IFT80: variants seen among roughly 807,000 people sequenced by gnomAD.
IFT80 encodes the protein intraflagellar transport 80.
Under a neutral mutation model 107.9 loss-of-function variants are expected in IFT80, and 79 were observed. That is an observed-to-expected ratio of 0.73 (90% confidence interval 0.61 to 0.88). The LOEUF is 0.88. IFT80 is among the 40% of genes least tolerant of loss of function. IFT80 has a pLI of 0.00. For synonymous variants in IFT80, 299 were observed against 300.9 expected (o/e 0.99, Z 0.07); for missense variants, 797 against 914.2 (o/e 0.87, Z 1.65).
intron 6 of IFT80, among the ~76,000 whole-genome samples, 162 bp from the exon 7 acceptor site, chr3:160,357,740 T>C (rs1359845246): frequency 6.6e-6 from 1 of 152,228 alleles, no homozygotes; most frequent in Non-Finnish European, 1.5e-5. Flanking sequence ...TTTGCTTGTT[T>C]CATTTGTAAT....
At chr3:160,315,762 A>G (rs1717770463) in intron 9 of IFT80, among the ~76,000 whole-genome samples, 3 of 152,300 alleles carry the variant, frequency 2.0e-5, no homozygotes, top group Admixed American at 2.0e-4. Context: ...ATCAAAATAC[A>G]TATTTATGTA....
intron 8 of IFT80, among the ~76,000 whole-genome samples, chr3:160,333,096 T>C (rs1719202013): frequency 6.6e-6 from 1 of 152,170 alleles, no homozygotes; most frequent in African/African-American, 2.4e-5. Flanking sequence ...TAGGAAACTG[T>C]CACACAACGA....
intron 8 of IFT80, among the ~76,000 whole-genome samples, chr3:160,354,086 A>G (rs944073762): frequency 6.6e-6 from 1 of 152,220 alleles, no homozygotes; most frequent in Non-Finnish European, 1.5e-5. Context: ...GGAGTCAAAA[A>G]TAATATACAT....
intron 8 of IFT80, among the ~76,000 whole-genome samples, chr3:160,340,551 A>C (rs898872472): frequency 2.6e-5 from 4 of 152,184 alleles, no homozygotes; most frequent in Non-Finnish European, 5.9e-5. Flanking sequence ...TGTATGACTG[A>C]GGTCCCCATT....
At chr3:160,313,007 AAT>A (rs1717514000) in intron 9 of IFT80, among the ~76,000 whole-genome samples, 1 of 78,434 alleles carries the variant, frequency 1.3e-5, no homozygotes, top group Non-Finnish European at 2.3e-5. Flanking sequence ...TATATAAATT[AAT>A]ATATAATAAA....
chr3:160,284,970 T>G (rs1714978907), intron 13 of IFT80, among the ~76,000 whole-genome samples: 1 of 152,172 alleles, frequency 6.6e-6, no homozygotes, highest in Admixed American at 6.6e-5. Flanking sequence ...ATAATAGGTA[T>G]AGTAGGGAGA....
chr3:160,285,216 A>G (rs1714997789), intron 13 of IFT80, among the ~76,000 whole-genome samples: 4 of 152,114 alleles, frequency 2.6e-5, no homozygotes, highest in Admixed American at 1.3e-4. Context: ...TACAAAAATA[A>G]ATATATAATT....
Position 160,319,942 on chromosome 3 carries a change from G to T in IFT80, c.778-3C>A, listed in dbSNP as rs199519525. ...GGTTTTTCTAATGCATATGACCACT[G>T]GGGGAGAAAAAACAAGAAAAAGATG... On this transcript the variant is annotated splice_polypyrimidine_tract_variant and splice_region_variant and intron_variant, in intron 8 of 19. Coordinates refer to ENST00000326448, the MANE Select transcript of IFT80 (RefSeq NM_020800.3). The T allele has an allele frequency of 1.2e-6, 2 of 1,607,678 alleles. No individual in the cohort carries two copies. Among genetic ancestry groups the T allele is most frequent in the East Asian group, 4.5e-5 (2 of 44,754 alleles).
At chr3:160,307,294 C>T (rs1195445755) in intron 10 of IFT80, among the ~76,000 whole-genome samples, 1 of 152,076 alleles carries the variant, frequency 6.6e-6, no homozygotes, top group Non-Finnish European at 1.5e-5. Context: ...ACCACAGGTG[C>T]GCACCTCCAC....
chr3:160,370,887 C>A (rs1237985729), intron 5 of IFT80, among the ~76,000 whole-genome samples: 3 of 152,178 alleles, frequency 2.0e-5, no homozygotes, highest in East Asian at 3.8e-4. Context: ...AAGCCTTAAT[C>A]GCTGCCTTAC....
chr3:160,288,282 G>A lies in IFT80; in HGVS notation c.1316-2414C>T, dbSNP rs563969413. On this transcript the variant is annotated intron_variant, in intron 12 of 19. Transcript: ENST00000326448. ...CGGGAGGCGGAGCTTGCAGTGAGCCGAGCTCACACCACTGCACTCCAGCCT... is the reference window on the plus strand; with the variant it reads ...CGGGAGGCGGAGCTTGCAGTGAGCCAAGCTCACACCACTGCACTCCAGCCT... 1.3e-4 allele frequency among the ~76,000 whole-genome samples: 20 copies of A among 152,210 alleles called. No individual in the cohort carries two copies. The South Asian group carries it at 3.5e-3, about 27-fold the overall frequency.
intron 6 of IFT80, among the ~76,000 whole-genome samples, chr3:160,360,434 A>G (rs931138597): frequency 2.0e-5 from 3 of 152,228 alleles, no homozygotes; most frequent in African/African-American, 7.2e-5. Flanking sequence ...AACACTCTTC[A>G]GGATATTATC....
intron 8 of IFT80, among the ~76,000 whole-genome samples, chr3:160,333,104 C>T (rs908559462): frequency 1.3e-5 from 2 of 152,026 alleles, no homozygotes; most frequent in African/African-American, 4.8e-5. Flanking sequence ...TGTCACACAA[C>T]GATAGTAGTG....
Position 160,321,569 on chromosome 3 carries a change from G to GT in IFT80, c.778-1631dup, listed in dbSNP as rs568450992. Among the ~76,000 whole-genome samples, 18 of 151,978 alleles carry GT rather than the reference G, an allele frequency of 1.2e-4. No individual in the cohort carries two copies. In the South Asian group the frequency reaches 3.5e-3, roughly 30 times the overall value. On this transcript the variant is annotated intron_variant, in intron 8 of 19. Transcript: ENST00000326448. ...AGGTGCTAAAACCTATGCATCCTAT[G>GT]TTTTTTTCTATATATACATACCTAT...
At chr3:160,358,591 G>A (rs984096937) in intron 6 of IFT80, among the ~76,000 whole-genome samples, 6 of 150,056 alleles carry the variant, frequency 4.0e-5, no homozygotes, top group African/African-American at 1.5e-4. Context: ...TATGAAAATC[G>A]TTAAGTTCTG....
intron 9 of IFT80, among the ~76,000 whole-genome samples, chr3:160,316,786 A>G (rs7627555): frequency 0.39 from 59,496 of 151,604 alleles, 12,678 homozygotes; most frequent in Non-Finnish European, 0.49. Context: ...ATTACTAGGG[A>G]AAAAAAAGCA....
At chr3:160,282,361 TAAG>T (rs1184693118) in intron 14 of IFT80, 114 bp downstream of exon 14, 16 of 731,452 alleles carry the variant, frequency 2.2e-5, no homozygotes, top group Non-Finnish European at 3.6e-5. Flanking sequence ...GTTAAATAGC[TAAG>T]AAGTATTACA....
chr3:160,326,223 A>T (rs887128048), intron 8 of IFT80, among the ~76,000 whole-genome samples: 1 of 152,104 alleles, frequency 6.6e-6, no homozygotes, highest in Non-Finnish European at 1.5e-5. Context: ...ATCAAAACCT[A>T]ATCAGCAGAG....
At chr3:160,388,593 T>C (rs1236303340) in intron 1 of IFT80, among the ~76,000 whole-genome samples, 2 of 148,600 alleles carry the variant, frequency 1.3e-5, no homozygotes, top group Non-Finnish European at 3.0e-5. Flanking sequence ...CATATAAGTA[T>C]ATTACATAAA....
Sources: allele counts gnomAD v4.1 joint callset (sites outside exome capture counted in the v4.1 genomes callset), GRCh38; gene constraint gnomAD v4.1.1; transcripts MANE v1.5; gene names NCBI Gene and HGNC (gene_info 2026-07-23, HGNC 2026-07-21).